The following LGR4 variants were observed in gnomAD, a reference collection of about 807,000 sequenced individuals.
LGR4 encodes leucine rich repeat containing G protein-coupled receptor 4.
LGR4 carries 44 observed loss-of-function variants against 84.8 expected under a neutral mutation model. That is an observed-to-expected ratio of 0.52 (90% CI 0.41 to 0.67). LGR4 has a LOEUF of 0.67. Ranked by LOEUF, LGR4 falls within the 30% of genes least tolerant of loss-of-function variation. The pLI is 0.00. For missense variants in LGR4, 1,032 were observed against 1,131.4 expected (o/e 0.91, Z 1.26); for synonymous variants, 429 against 434.3 (o/e 0.99, Z 0.15).
intron 2 of LGR4, among the ~76,000 whole-genome samples, chr11:27,393,710 T>C (rs1863327923): frequency 6.6e-6 from 1 of 151,956 alleles, no homozygotes; most frequent in Non-Finnish European, 1.5e-5. Flanking sequence ...ACACACAACA[T>C]CTTTAGGTTC....
intron 2 of LGR4, among the ~76,000 whole-genome samples, chr11:27,401,459 C>T (rs1465682904): frequency 1.3e-5 from 2 of 152,092 alleles, no homozygotes; most frequent in Non-Finnish European, 2.9e-5. Context: ...TAGTCATTTA[C>T]CCTCTGGCAA....
At chr11:27,426,496 C>G (rs2133415432) in intron 1 of LGR4, among the ~76,000 whole-genome samples, 1 of 152,248 alleles carries the variant, frequency 6.6e-6, no homozygotes, top group South Asian at 2.1e-4. Context: ...AACAATTTCC[C>G]CAAGCCAGCC....
chr11:27,401,745 C>A (rs1471327951), intron 2 of LGR4, among the ~76,000 whole-genome samples: 1 of 152,076 alleles, frequency 6.6e-6, no homozygotes, highest in East Asian at 1.9e-4. Context: ...AGAAGAAATC[C>A]TTTGTCTTAA....
At chr11:27,416,877 A>T (rs1013006694) in intron 1 of LGR4, among the ~76,000 whole-genome samples, 40 of 152,254 alleles carry the variant, frequency 2.6e-4, no homozygotes, top group African/African-American at 8.2e-4. Flanking sequence ...TCCCCCATAA[A>T]ATTCACTAAT....
chr11:27,371,827 T>C (rs1273440674), intron 16 of LGR4, 129 bp from the exon 17 acceptor site: 12 of 656,592 alleles, frequency 1.8e-5, no homozygotes, highest in East Asian at 2.7e-5. Context: ...ATATTAAAGA[T>C]GCTGGTAGCA....
intron 4 of LGR4, among the ~76,000 whole-genome samples, chr11:27,390,884 C>G (rs142024549): frequency 1.8e-4 from 28 of 152,294 alleles, no homozygotes; most frequent in African/African-American, 6.5e-4. Context: ...TACCCAGTAG[C>G]TTTCTCTCAG....
At chr11:27,403,624 A>G (rs1045557119) in intron 2 of LGR4, among the ~76,000 whole-genome samples, 4 of 152,226 alleles carry the variant, frequency 2.6e-5, no homozygotes, top group African/African-American at 7.2e-5. Context: ...TGGTAAATAT[A>G]GTAGGAGTCT....
chr11:27,440,283 C>T (rs1390053325), intron 1 of LGR4, among the ~76,000 whole-genome samples: 2 of 152,156 alleles, frequency 1.3e-5, no homozygotes, highest in Admixed American at 6.5e-5. Context: ...GGAAGGAATA[C>T]ACCTGCCCAC....
At chr11:27,418,285 C>T (rs536565338) in intron 1 of LGR4, among the ~76,000 whole-genome samples, 6 of 152,302 alleles carry the variant, frequency 3.9e-5, no homozygotes, top group East Asian at 1.9e-4. Flanking sequence ...CATGAAGATA[C>T]GGCTATTTAT....
rs535523724 is a variant in LGR4, at chr11:27,428,430, C to T, written c.186-15570G>A. 1.6e-4 allele frequency among the ~76,000 whole-genome samples: 24 copies of T among 152,304 alleles called. No individual in the cohort carries two copies. The South Asian group carries it at 3.1e-3, about 20-fold the overall frequency. ...CTGGGATTACAGGCGTGAGCCACCACGCCCGGCCTATCTTGCGCTCTTTTT... is the reference window on the plus strand; with the variant it reads ...CTGGGATTACAGGCGTGAGCCACCATGCCCGGCCTATCTTGCGCTCTTTTT... On this transcript the variant is annotated intron_variant, in intron 1 of 17. Transcript: ENST00000379214.
intron 1 of LGR4, among the ~76,000 whole-genome samples, chr11:27,454,444 C>T (rs994945813): frequency 3.3e-5 from 5 of 152,170 alleles, no homozygotes; most frequent in Non-Finnish European, 7.3e-5. Context: ...ATATTTGTAG[C>T]TCTCAAAGAA....
At chr11:27,377,927 G>C (rs1176702491) in intron 11 of LGR4, among the ~76,000 whole-genome samples, 1 of 152,066 alleles carries the variant, frequency 6.6e-6, no homozygotes, top group East Asian at 1.9e-4. Flanking sequence ...TCTATGTTTA[G>C]ATATACAAAT....
chr11:27,368,546 G>A lies in LGR4; in HGVS notation c.2177C>T (p.Thr726Ile). ...LAFLLMAVIY[T>I]KLYCNLEKED... Reference sequence around the variant, plus strand: ...TTTTTCCAAGTTGCAGTATAGTTTAGTGTAGATAACGGCCATTAATAAAAA... The same window carrying A: ...TTTTTCCAAGTTGCAGTATAGTTTAATGTAGATAACGGCCATTAATAAAAA... The change falls in exon 18 of 18, where the codon ACT becomes ATT. Residue 726 changes from threonine to isoleucine, a missense_variant. Thr to Ile is a moderately conservative substitution (Grantham distance 89, BLOSUM62 -1). Coordinates refer to ENST00000379214, the MANE Select transcript of LGR4 (RefSeq NM_018490.5). 1 of 1,613,856 alleles carries A rather than the reference G, an allele frequency of 6.2e-7. No homozygotes were observed.
chr11:27,443,749 T>G (rs1160552344), intron 1 of LGR4, among the ~76,000 whole-genome samples: 1 of 152,152 alleles, frequency 6.6e-6, no homozygotes, highest in Non-Finnish European at 1.5e-5. Flanking sequence ...CTACCAGAGT[T>G]CTATAAAAAT....
At chr11:27,427,299 G>A (rs527395564) in intron 1 of LGR4, among the ~76,000 whole-genome samples, 6 of 152,298 alleles carry the variant, frequency 3.9e-5, no homozygotes, top group Non-Finnish European at 7.4e-5. Flanking sequence ...AGGGGAAAAA[G>A]AGCAGCTGTA....
intron 1 of LGR4, among the ~76,000 whole-genome samples, chr11:27,430,640 C>G (rs1864099292): frequency 6.6e-6 from 1 of 152,102 alleles, no homozygotes; most frequent in Admixed American, 6.5e-5. Flanking sequence ...CTCCACCCCT[C>G]GACCCCTTGC....
chr11:27,409,527 A>G (rs1292574174), intron 2 of LGR4, among the ~76,000 whole-genome samples: 3 of 152,142 alleles, frequency 2.0e-5, no homozygotes, highest in Non-Finnish European at 4.4e-5. Flanking sequence ...GGTCTCAGCA[A>G]ATGGCACCCA....
At chr11:27,429,794 A>ATT (rs1864085452) in intron 1 of LGR4, among the ~76,000 whole-genome samples, 1 of 152,202 alleles carries the variant, frequency 6.6e-6, no homozygotes, top group Non-Finnish European at 1.5e-5. Flanking sequence ...AGAGCAAAGG[A>ATT]AAAGAAACAC....
chr11:27,467,590 A>AAAT (rs2133462407), intron 1 of LGR4, among the ~76,000 whole-genome samples: 1 of 151,534 alleles, frequency 6.6e-6, no homozygotes, highest in South Asian at 2.1e-4. Context: ...AAATCAAATT[A>AAAT]AATAGAGAAC....
Sources: gnomAD v4.1 joint callset for allele counts (sites outside exome capture counted in the v4.1 genomes callset) on GRCh38, gnomAD v4.1.1 for gene constraint, MANE v1.5 for transcripts, NCBI Gene and HGNC (gene_info 2026-07-23, HGNC 2026-07-21) for gene names.